Variants in NKAIN3 observed in about 807,000 individuals in gnomAD.
The protein encoded by NKAIN3 is sodium/potassium transporting ATPase interacting 3.
A neutral mutation model predicts 30.2 loss-of-function variants in NKAIN3; 25 were observed. That is an observed-to-expected ratio of 0.83 (90% CI 0.60 to 1.16). The LOEUF is 1.16. NKAIN3 is among the 50% of genes most tolerant of loss of function. The pLI is 0.00. For synonymous variants in NKAIN3, 91 were observed against 89.6 expected (o/e 1.02, Z -0.09); for missense variants, 225 against 254.1 (o/e 0.89, Z 0.78).
intron 1 of NKAIN3, among the ~76,000 whole-genome samples, chr8:62,469,502 T>C (rs779710219): frequency 3.3e-5 from 5 of 152,156 alleles, no homozygotes; most frequent in South Asian, 2.1e-4. Flanking sequence ...GCTGGACAGG[T>C]TGCAGGCAGA....
rs545825461 is a variant in NKAIN3 at position 62,822,184 on chromosome 8, T to C, written c.471+75055T>C. On this transcript the variant is annotated intron_variant, in intron 4 of 6. Transcript: ENST00000623646. ...AAAGGCACCAACTGACCTATAGTGA[T>C]TGTTCTATTGCTGATTTTATCTTCT... Among the ~76,000 whole-genome samples the C allele has an allele frequency of 3.9e-5, 6 of 152,316 alleles. No individual in the cohort carries two copies. In the South Asian group the frequency reaches 1.2e-3, roughly 32 times the overall value.
chr8:62,528,141 G>T (rs1248759087), intron 1 of NKAIN3, among the ~76,000 whole-genome samples: 1 of 150,370 alleles, frequency 6.7e-6, no homozygotes, highest in African/African-American at 2.4e-5. Context: ...AGCATGGGTG[G>T]CCCCCAATTC....
intron 3 of NKAIN3, among the ~76,000 whole-genome samples, chr8:62,716,805 G>A (rs1814918528): frequency 6.6e-6 from 1 of 151,538 alleles, no homozygotes; most frequent in African/African-American, 2.4e-5. Flanking sequence ...TACCTCTCAA[G>A]AAATCCAAAC....
intron 5 of NKAIN3, among the ~76,000 whole-genome samples, chr8:62,944,037 G>A (rs552352650): frequency 6.6e-6 from 1 of 151,902 alleles, no homozygotes; most frequent in Non-Finnish European, 1.5e-5. Flanking sequence ...AGGGATAAAC[G>A]ACTACACATT....
intron 1 of NKAIN3, among the ~76,000 whole-genome samples, chr8:62,523,230 G>C (rs752752188): frequency 6.6e-6 from 1 of 152,008 alleles, no homozygotes; most frequent in Admixed American, 6.6e-5. Context: ...TAGGAGCAGC[G>C]GACTATACTG....
chr8:62,750,087 A>G (rs1816228480), intron 4 of NKAIN3, among the ~76,000 whole-genome samples: 1 of 152,002 alleles, frequency 6.6e-6, no homozygotes, highest in African/African-American at 2.4e-5. Context: ...TGGTCGCAAT[A>G]TTTAACAGCC....
At chr8:62,910,749 A>T (rs1821903529) in intron 4 of NKAIN3, among the ~76,000 whole-genome samples, 2 of 90,106 alleles carry the variant, frequency 2.2e-5, no homozygotes, top group Admixed American at 1.3e-4. Flanking sequence ...TTCCATCGGG[A>T]CAGGATTTTT....
At chr8:62,590,025 T>C (rs1810605470) in intron 3 of NKAIN3, among the ~76,000 whole-genome samples, 1 of 151,564 alleles carries the variant, frequency 6.6e-6, no homozygotes. Flanking sequence ...CCTTCTGGTT[T>C]AGTTTGTTAT....
chr8:62,475,734 T>C (rs1806497951), intron 1 of NKAIN3, among the ~76,000 whole-genome samples: 1 of 152,212 alleles, frequency 6.6e-6, no homozygotes, highest in African/African-American at 2.4e-5. Flanking sequence ...GGCACATGTT[T>C]ATGATGGGCT....
At chr8:62,841,288 A>T (rs911863507) in intron 4 of NKAIN3, among the ~76,000 whole-genome samples, 5 of 152,082 alleles carry the variant, frequency 3.3e-5, no homozygotes, top group Non-Finnish European at 7.4e-5. Context: ...TAATTAACAT[A>T]TATATCCCTT....
At chr8:62,396,037 A>G (rs1250208542) in intron 1 of NKAIN3, among the ~76,000 whole-genome samples, 1 of 152,194 alleles carries the variant, frequency 6.6e-6, no homozygotes, top group African/African-American at 2.4e-5. Flanking sequence ...TTGAAGAAAA[A>G]AGAGGTTTTT....
At chr8:62,574,005 C>T (rs924357019) in intron 1 of NKAIN3, among the ~76,000 whole-genome samples, 5 of 152,124 alleles carry the variant, frequency 3.3e-5, no homozygotes, top group African/African-American at 1.2e-4. Flanking sequence ...TACTCATTAA[C>T]CTCTCCACTT....
intron 5 of NKAIN3, among the ~76,000 whole-genome samples, chr8:62,927,599 C>T (rs1822489833): frequency 2.0e-5 from 3 of 152,168 alleles, no homozygotes; most frequent in Admixed American, 2.0e-4. Context: ...GCCCCCAAAA[C>T]TATGTACATC....
chr8:62,865,979 G>A (rs1334445666), intron 4 of NKAIN3, among the ~76,000 whole-genome samples: 2 of 152,066 alleles, frequency 1.3e-5, no homozygotes, highest in East Asian at 3.9e-4. Context: ...AGTGGCTCCG[G>A]GTTGTAAGAT....
intron 1 of NKAIN3, among the ~76,000 whole-genome samples, chr8:62,266,460 A>C (rs1302841534): frequency 6.6e-6 from 1 of 152,192 alleles, no homozygotes; most frequent in Non-Finnish European, 1.5e-5. Flanking sequence ...ATGAAAGAAA[A>C]ACGATTATTT....
At chr8:62,789,164 A>AG (rs1401693565) in intron 4 of NKAIN3, among the ~76,000 whole-genome samples, 7 of 152,246 alleles carry the variant, frequency 4.6e-5, no homozygotes, top group Middle Eastern at 3.4e-3. Context: ...CCTACCCATG[A>AG]GCATGGAATG....
chr8:62,741,872 C>T (rs2130571917), intron 3 of NKAIN3, among the ~76,000 whole-genome samples: 1 of 152,244 alleles, frequency 6.6e-6, no homozygotes, highest in East Asian at 1.9e-4. Context: ...TTCCCTACAA[C>T]CTTAACATGC....
At chr8:62,539,642 T>A (rs757486023) in intron 1 of NKAIN3, among the ~76,000 whole-genome samples, 59 of 152,150 alleles carry the variant, frequency 3.9e-4, no homozygotes, top group Non-Finnish European at 7.1e-4. Context: ...CAGGCTGGAG[T>A]GCAGTGGTGC....
At chr8:62,690,199 C>T (rs567311128) in intron 3 of NKAIN3, among the ~76,000 whole-genome samples, 84 of 151,986 alleles carry the variant, frequency 5.5e-4, no homozygotes, top group Non-Finnish European at 8.2e-4. Flanking sequence ...GGGCTGTGCA[C>T]CAATCATAGC....
Sources: gnomAD v4.1 joint callset for allele counts (sites outside exome capture counted in the v4.1 genomes callset) on GRCh38, gnomAD v4.1.1 for gene constraint, MANE v1.5 for transcripts, NCBI Gene and HGNC (gene_info 2026-07-23, HGNC 2026-07-21) for gene names.